Variants in FRMD6 observed in about 807,000 individuals in gnomAD.
FRMD6 encodes FERM domain containing 6.
In FRMD6, 37 loss-of-function variants were observed where a neutral mutation model predicts 73.2. The observed-to-expected ratio is 0.51, with a 90% CI of 0.39 to 0.66. The LOEUF is 0.66. Ranked by LOEUF, FRMD6 falls within the 30% of genes least tolerant of loss-of-function variation. FRMD6 has a pLI of 0.00. For missense variants in FRMD6, 714 were observed against 780.5 expected, an observed-to-expected ratio of 0.91 and a Z score of 1.02; for synonymous variants, 273 against 282.2, an observed-to-expected ratio of 0.97 and a Z score of 0.33.
rs993250069 is a variant in FRMD6, at chr14:51,605,225, A to T, written c.-147+34815A>T. Among the ~76,000 whole-genome samples the T allele has an allele frequency of 2.7e-5, 3 of 112,988 alleles. No homozygotes were observed. In the South Asian group the frequency reaches 1.0e-3, roughly 38 times the overall value. 74.1% of individuals were successfully genotyped at this position (112,988 alleles called of 152,430 possible). ...AGGGTCATAGGACAATAGTGGAGGGAAGGTCAGCAGATAAACAAGTGAACA... is the reference window on the plus strand; with the variant it reads ...AGGGTCATAGGACAATAGTGGAGGGTAGGTCAGCAGATAAACAAGTGAACA... On this transcript the variant is annotated intron_variant, in intron 2 of 14. Transcript: ENST00000356218.
chr14:51,459,783 T>C, the FRMD6 span, among the ~76,000 whole-genome samples: 1 of 125,176 alleles, frequency 8.0e-6, no homozygotes, highest in Admixed American at 1.0e-4. Context: ...GCCAAGATCA[T>C]GCCAAGGCAC....
intron 1 of FRMD6, among the ~76,000 whole-genome samples, chr14:51,667,435 G>C (rs1893683023): frequency 6.6e-6 from 1 of 152,140 alleles, no homozygotes. Flanking sequence ...CCAAAATATA[G>C]AGTGGAATTT....
chr14:51,501,038 G>T (rs574332707), intron 1 of FRMD6, among the ~76,000 whole-genome samples: 8 of 152,254 alleles, frequency 5.3e-5, no homozygotes, highest in African/African-American at 1.9e-4. Flanking sequence ...CAGCTTCCCT[G>T]TTCCTCCTTC....
chr14:51,563,203 T>C (rs934199317), intron 1 of FRMD6, among the ~76,000 whole-genome samples: 3 of 152,242 alleles, frequency 2.0e-5, no homozygotes, highest in Non-Finnish European at 4.4e-5. Context: ...CCTAGCCTCA[T>C]ACAGCATCAT....
chr14:51,436,491 T>C, the FRMD6 span: 1 of 631,418 alleles, frequency 1.6e-6, no homozygotes, highest in Non-Finnish European at 2.8e-6. Flanking sequence ...TAAAATTCTC[T>C]CCAAAGAATT....
At chr14:51,421,807 C>T in the FRMD6 span, among the ~76,000 whole-genome samples, 1 of 152,206 alleles carries the variant, frequency 6.6e-6, no homozygotes, top group Non-Finnish European at 1.5e-5. Context: ...TTTTAAACAT[C>T]GTTGGCCCAC....
intron 1 of FRMD6, among the ~76,000 whole-genome samples, chr14:51,524,362 A>G (rs1272263028): frequency 6.6e-6 from 1 of 152,152 alleles, no homozygotes; most frequent in African/African-American, 2.4e-5. Context: ...ATTATGTATT[A>G]TCATTTTATC....
At chr14:51,699,411 TACA>T (rs1425980515) in intron 3 of FRMD6, among the ~76,000 whole-genome samples, 2 of 152,092 alleles carry the variant, frequency 1.3e-5, no homozygotes, top group Non-Finnish European at 2.9e-5. Context: ...TAATTCTTCT[TACA>T]ACAACTACTG....
chr14:51,577,331 C>T (rs1315828253), intron 2 of FRMD6, among the ~76,000 whole-genome samples: 1 of 152,112 alleles, frequency 6.6e-6, no homozygotes, highest in Non-Finnish European at 1.5e-5. Flanking sequence ...TAGCTCAGCA[C>T]TATGGTTCTT....
At chr14:51,610,190 C>T (rs1890430522) in intron 2 of FRMD6, among the ~76,000 whole-genome samples, 1 of 152,058 alleles carries the variant, frequency 6.6e-6, no homozygotes, top group Non-Finnish European at 1.5e-5. Flanking sequence ...GGCCAATGGA[C>T]CCGGGGGTGG....
At chr14:51,446,530 C>T in the FRMD6 span, among the ~76,000 whole-genome samples, 22 of 150,518 alleles carry the variant, frequency 1.5e-4, no homozygotes, top group Middle Eastern at 3.4e-3. Context: ...GTCAGTCACA[C>T]GTCCAGAGAA....
chr14:51,594,370 C>A (rs994243424), intron 2 of FRMD6, among the ~76,000 whole-genome samples: 1 of 150,178 alleles, frequency 6.7e-6, no homozygotes, highest in Non-Finnish European at 1.5e-5. Flanking sequence ...CTCTTGTTGC[C>A]CAGGCTGGAG....
intron 1 of FRMD6, among the ~76,000 whole-genome samples, chr14:51,663,446 C>T (rs547670344): frequency 3.3e-5 from 5 of 152,282 alleles, no homozygotes; most frequent in East Asian, 3.9e-4. Context: ...AAAAAGAATG[C>T]GATCATGTCC....
chr14:51,722,600 A>G (rs1330033698), intron 12 of FRMD6, among the ~76,000 whole-genome samples: 6 of 152,204 alleles, frequency 3.9e-5, no homozygotes, highest in Non-Finnish European at 1.5e-5. Flanking sequence ...CTTAAATTCC[A>G]TATTCGTATG....
intron 1 of FRMD6, among the ~76,000 whole-genome samples, chr14:51,493,569 C>T (rs1292960021): frequency 6.6e-6 from 1 of 152,190 alleles, no homozygotes; most frequent in African/African-American, 2.4e-5. Flanking sequence ...TGAGGCATCC[C>T]CAGCCCTGTG....
chr14:51,447,017 C>T, the FRMD6 span, among the ~76,000 whole-genome samples: 15 of 152,246 alleles, frequency 9.9e-5, no homozygotes, highest in African/African-American at 3.1e-4. Flanking sequence ...ACTGAATGAC[C>T]TCAAAGATTC....
At chr14:51,443,544 G>T in the FRMD6 span, among the ~76,000 whole-genome samples, 1 of 152,174 alleles carries the variant, frequency 6.6e-6, no homozygotes, top group Non-Finnish European at 1.5e-5. Flanking sequence ...GAAACCAAAG[G>T]CTGCATCTCC....
At chr14:51,699,617 C>T (rs1002766927) in intron 3 of FRMD6, among the ~76,000 whole-genome samples, 3 of 152,034 alleles carry the variant, frequency 2.0e-5, no homozygotes, top group Admixed American at 6.6e-5. Context: ...CTCTCAATGT[C>T]AGTTTTTTCG....
chr14:51,636,715 G>A (rs1489659849), intron 2 of FRMD6, among the ~76,000 whole-genome samples: 2 of 152,180 alleles, frequency 1.3e-5, no homozygotes, highest in Non-Finnish European at 2.9e-5. Flanking sequence ...AAAGGTCTTC[G>A]TTGTTACAAG....
Sources: allele counts gnomAD v4.1 joint callset (sites outside exome capture counted in the v4.1 genomes callset), GRCh38; gene constraint gnomAD v4.1.1; transcripts MANE v1.5; gene names NCBI Gene and HGNC (gene_info 2026-07-23, HGNC 2026-07-21).